Variants in FAM184B observed in about 807,000 individuals in gnomAD.
FAM184B encodes protein FAM184B.
FAM184B carries 111 observed loss-of-function variants against 135.9 expected under a neutral mutation model. The observed-to-expected ratio is 0.82, with a 90% CI of 0.70 to 0.96. The LOEUF is 0.96. Among genes scored for constraint, FAM184B ranks in the 40% least tolerant of loss-of-function variants. The pLI, the probability that FAM184B is intolerant of heterozygous loss-of-function variation, is 0.00. For missense variants in FAM184B, 1,375 were observed against 1,323.9 expected, an observed-to-expected ratio of 1.04 and a Z score of -0.60; for synonymous variants, 552 against 524.8, an observed-to-expected ratio of 1.05 and a Z score of -0.71.
chr4:17,691,288 C>G (rs761985689), intron 6 of FAM184B, among the ~76,000 whole-genome samples: 1 of 152,190 alleles, frequency 6.6e-6, no homozygotes, highest in Non-Finnish European at 1.5e-5. Context: ...ATAGCACCTA[C>G]ATGGTAAAGT....
In FAM184B at chr4:17,705,033, C is replaced by A. The variant is rs567389168; in HGVS notation, c.1344G>T (p.Ser448=). 6.4e-7 allele frequency: 1 copy of A among 1,551,754 alleles called. No individual in the cohort carries two copies. The highest frequency in any genetic ancestry group is 2.0e-5 in the Admixed American group (1 of 51,010). The part of the protein sequence containing the change: ...KHTVEIKSVR[S]SVEAERKKLQ... ...GTTTCTTTCTTTCAGCCTCCACGGACGAGCGAACGGATTTGATTTCCACGG... is the reference window on the plus strand; with the variant it reads ...GTTTCTTTCTTTCAGCCTCCACGGAAGAGCGAACGGATTTGATTTCCACGG... The change falls in exon 5 of 18, where the codon TCG becomes TCT. Residue 448 remains serine (S), a synonymous_variant. Transcript: ENST00000265018.
At chr4:17,750,239 T>C (rs1718264390) in intron 1 of FAM184B, among the ~76,000 whole-genome samples, 1 of 152,248 alleles carries the variant, frequency 6.6e-6, no homozygotes, top group Non-Finnish European at 1.5e-5. Flanking sequence ...TGCTTCACTA[T>C]ACTCTCACCA....
At chr4:17,730,874 A>G (rs1277794807) in intron 1 of FAM184B, among the ~76,000 whole-genome samples, 2 of 152,206 alleles carry the variant, frequency 1.3e-5, no homozygotes, top group Non-Finnish European at 2.9e-5. Flanking sequence ...AGAATAACCA[A>G]CGCAGAGAAG....
intron 9 of FAM184B, among the ~76,000 whole-genome samples, chr4:17,658,774 G>A (rs1318606015): frequency 1.3e-5 from 2 of 152,248 alleles, no homozygotes; most frequent in Non-Finnish European, 2.9e-5. Flanking sequence ...GGAAAAGAGG[G>A]GTGGGGACAT....
chr4:17,679,539 G>A (rs902547169), intron 7 of FAM184B, among the ~76,000 whole-genome samples: 6 of 152,252 alleles, frequency 3.9e-5, no homozygotes, highest in Admixed American at 2.0e-4. Context: ...CATGGATGTC[G>A]TGAAAAGAGA....
intron 13 of FAM184B, among the ~76,000 whole-genome samples, chr4:17,640,704 A>G (rs185053654): frequency 8.4e-4 from 128 of 152,334 alleles, no homozygotes; most frequent in African/African-American, 2.9e-3. Context: ...ACAAACTGCT[A>G]AAGCTCACTT....
chr4:17,643,206 T>A (rs562521744), intron 12 of FAM184B, among the ~76,000 whole-genome samples: 2 of 152,144 alleles, frequency 1.3e-5, no homozygotes, highest in Non-Finnish European at 2.9e-5. Context: ...GGGAGAGATA[T>A]GAGAATTAGA....
chr4:17,662,369 G>A (rs978845010), intron 8 of FAM184B, among the ~76,000 whole-genome samples: 39 of 150,164 alleles, frequency 2.6e-4, no homozygotes, highest in Non-Finnish European at 5.2e-4. Context: ...ATGGAGTCTT[G>A]TTCTGTCACA....
intron 1 of FAM184B, among the ~76,000 whole-genome samples, chr4:17,710,815 T>C (rs1413775675): frequency 1.3e-5 from 2 of 152,162 alleles, no homozygotes; most frequent in African/African-American, 2.4e-5. Context: ...GGAAAAACTG[T>C]AGGTAGAACA....
chr4:17,756,483 G>A (rs1017332296), intron 1 of FAM184B, among the ~76,000 whole-genome samples: 2 of 152,190 alleles, frequency 1.3e-5, no homozygotes, highest in African/African-American at 4.8e-5. Context: ...TTTGGAGGAT[G>A]TAAGGAAAAT....
rs1718377005 is a variant in FAM184B at position 17,754,515 on chromosome 4, C to A, written c.141+26644G>T. Reference sequence around the variant, plus strand: ...GAAGTGAGGCAAGGTCATGCCATTGCACTCCAGCCTGGGCAACAAGAGTGA... The same window carrying A: ...GAAGTGAGGCAAGGTCATGCCATTGAACTCCAGCCTGGGCAACAAGAGTGA... On this transcript the variant is annotated intron_variant, in intron 1 of 17. Transcript: ENST00000265018. Among the ~76,000 whole-genome samples, 3 of 147,372 alleles carry A rather than the reference C, an allele frequency of 2.0e-5. No individual in the cohort carries two copies. The South Asian group carries it at 6.4e-4, about 32-fold the overall frequency.
At chr4:17,708,709 A>AGT (rs1717175145) in intron 2 of FAM184B, among the ~76,000 whole-genome samples, 183 bp downstream of exon 2, 5 of 38,856 alleles carry the variant, frequency 1.3e-4, no homozygotes, top group Non-Finnish European at 1.4e-4. Context: ...ATATATATAT[A>AGT]GTGTCTGTGT....
intron 9 of FAM184B, among the ~76,000 whole-genome samples, chr4:17,659,202 C>T (rs1295041282): frequency 6.6e-6 from 1 of 150,494 alleles, no homozygotes; most frequent in African/African-American, 2.4e-5. Context: ...AACTCCCAAG[C>T]TCAAGCGACC....
intron 1 of FAM184B, among the ~76,000 whole-genome samples, chr4:17,739,404 A>C (rs1717975043): frequency 6.6e-6 from 1 of 152,102 alleles, no homozygotes; most frequent in African/African-American, 2.4e-5. Context: ...CCTACACAAC[A>C]TCTCCACAGG....
Position 17,707,731 on chromosome 4 carries a change from G to C in FAM184B, c.948C>G (p.Gly316=), listed in dbSNP as rs1160528000. ...GCTTCTCCCCAAGTTTTTTTGCAGT[G>C]CCTTTCAACTCTGAATTCTCCTGTC... ...EARQENSELK[G]TAKKLGEKLA... Residue 316 remains glycine, a synonymous_variant, in exon 3 of 18, where the codon GGC becomes GGG. Transcript: ENST00000265018. 11 of 1,551,740 alleles carry C rather than the reference G, an allele frequency of 7.1e-6. 1 individual carries two copies. The highest frequency in any genetic ancestry group is 9.6e-6 in the Non-Finnish European group (11 of 1,147,034).
At chr4:17,702,295 G>A (rs560456679) in intron 5 of FAM184B, among the ~76,000 whole-genome samples, 4 of 152,186 alleles carry the variant, frequency 2.6e-5, no homozygotes, top group Non-Finnish European at 5.9e-5. Context: ...CAGCTCAGGA[G>A]GTGCTGAATA....
In FAM184B at chr4:17,694,961, A is replaced by G. The variant is rs934004602; in HGVS notation, c.1378-1549T>C. ...CCTGTAATAAGTGAGGGAGTTCACC[A>G]AGGAGATATCTGTGTGTGAGGTTTC... On this transcript the variant is annotated intron_variant, in intron 5 of 17. Transcript: ENST00000265018. Among the ~76,000 whole-genome samples the G allele has an allele frequency of 4.0e-5, 6 of 151,110 alleles. No homozygotes were observed. The Admixed American group carries it at 4.0e-4, about 10-fold the overall frequency.
At chr4:17,657,797 C>T (rs1715811459) in intron 10 of FAM184B, among the ~76,000 whole-genome samples, 1 of 151,680 alleles carries the variant, frequency 6.6e-6, no homozygotes, top group African/African-American at 2.4e-5. Context: ...GCTGGGATTA[C>T]AGGCACCTGC....
intron 6 of FAM184B, among the ~76,000 whole-genome samples, chr4:17,692,209 G>A (rs1371925798): frequency 2.0e-5 from 3 of 152,026 alleles, no homozygotes; most frequent in Non-Finnish European, 4.4e-5. Flanking sequence ...TGAAGGAGGA[G>A]GGAGTGAGGG....
Sources: gnomAD v4.1 joint callset for allele counts (sites outside exome capture counted in the v4.1 genomes callset) on GRCh38, gnomAD v4.1.1 for gene constraint, MANE v1.5 for transcripts, NCBI Gene and HGNC (gene_info 2026-07-23, HGNC 2026-07-21) for gene names.